Variants in ROBO1 observed in about 807,000 individuals in gnomAD.
ROBO1 encodes the protein roundabout homolog 1.
A neutral mutation model predicts 195.9 loss-of-function variants in ROBO1; 149 were observed. That is an observed-to-expected ratio of 0.76 (90% CI 0.67 to 0.87). The LOEUF (loss-of-function observed/expected upper bound fraction) is 0.87. Ranked by LOEUF, ROBO1 falls within the 40% of genes least tolerant of loss-of-function variation. The probability of loss-of-function intolerance (pLI) is 0.00; values close to 1 mark genes in which losing one functional copy is unlikely to be tolerated. For synonymous variants in ROBO1, 816 were observed against 733.2 expected (o/e 1.11, Z -1.82); for missense variants, 1,933 against 2,068.3 (o/e 0.93, Z 1.27).
intron 2 of ROBO1, among the ~76,000 whole-genome samples, chr3:79,503,520 T>C (rs1440621464): frequency 3.3e-5 from 5 of 152,184 alleles, no homozygotes; most frequent in African/African-American, 1.2e-4. Flanking sequence ...TTAGGGAAAT[T>C]GATGTTGTGC....
At chr3:79,276,054 C>T (rs2031007949) in intron 2 of ROBO1, among the ~76,000 whole-genome samples, 2 of 151,904 alleles carry the variant, frequency 1.3e-5, no homozygotes, top group Admixed American at 1.3e-4. Context: ...TTCCCCAAAC[C>T]AATCTACAGA....
chr3:79,360,465 GAAAAT>G (rs1559844474), intron 2 of ROBO1, among the ~76,000 whole-genome samples: 1 of 151,636 alleles, frequency 6.6e-6, no homozygotes, highest in African/African-American at 2.4e-5. Context: ...AATAAAAAAA[GAAAAT>G]AAAATAAATA....
At chr3:79,688,367 AT>A (rs1197221686) in intron 1 of ROBO1, among the ~76,000 whole-genome samples, 1 of 152,136 alleles carries the variant, frequency 6.6e-6, no homozygotes, top group African/African-American at 2.4e-5. Flanking sequence ...TTAAAGTATA[AT>A]TTTAAAAAAA....
At chr3:79,518,880 A>C (rs1224395672) in intron 2 of ROBO1, among the ~76,000 whole-genome samples, 1 of 150,744 alleles carries the variant, frequency 6.6e-6, no homozygotes, top group East Asian at 2.0e-4. Flanking sequence ...GGGTTTCACC[A>C]TATTGGCCAA....
chr3:79,361,519 ATT>A (rs2035769588), intron 2 of ROBO1, among the ~76,000 whole-genome samples: 1 of 148,580 alleles, frequency 6.7e-6, no homozygotes, highest in African/African-American at 2.6e-5. Flanking sequence ...ATTTAATACC[ATT>A]AAATAACGAT....
chr3:79,445,965 G>A (rs2039241260), intron 2 of ROBO1, among the ~76,000 whole-genome samples: 1 of 151,758 alleles, frequency 6.6e-6, no homozygotes, highest in Non-Finnish European at 1.5e-5. Flanking sequence ...CCTGGCAAAT[G>A]TTTAAACTTT....
At chr3:79,538,245 T>C (rs758389447) in intron 2 of ROBO1, among the ~76,000 whole-genome samples, 5 of 152,194 alleles carry the variant, frequency 3.3e-5, no homozygotes, top group Non-Finnish European at 7.4e-5. Context: ...TTAATGTATC[T>C]TTCCAATCAT....
chr3:79,239,348 G>T lies in ROBO1; in HGVS notation c.89-113809C>A, dbSNP rs568009118. Reference sequence around the variant, plus strand: ...TAATGGCACTATATATCACATGAATGGATTAGTGAAAAATAAGCAAAGAAT... The same window carrying T: ...TAATGGCACTATATATCACATGAATTGATTAGTGAAAAATAAGCAAAGAAT... On this transcript the variant is annotated intron_variant, in intron 2 of 30. Transcript: ENST00000464233. 2.0e-5 allele frequency among the ~76,000 whole-genome samples: 3 copies of T among 152,126 alleles called. No individual in the cohort carries two copies. The East Asian group carries it at 5.8e-4, about 29-fold the overall frequency.
chr3:78,978,646 G>C (rs2076931334), intron 3 of ROBO1, among the ~76,000 whole-genome samples: 1 of 152,032 alleles, frequency 6.6e-6, no homozygotes, highest in African/African-American at 2.4e-5. Flanking sequence ...TTCACATCCA[G>C]GTCTAGTTCT....
At chr3:79,001,019 G>A (rs2077489178) in intron 3 of ROBO1, among the ~76,000 whole-genome samples, 1 of 151,936 alleles carries the variant, frequency 6.6e-6, no homozygotes, top group South Asian at 2.1e-4. Context: ...ACTAACACAG[G>A]AACAGAAAAC....
At chr3:79,641,356 T>TA (rs538444179) in intron 1 of ROBO1, among the ~76,000 whole-genome samples, 271 of 152,238 alleles carry the variant, frequency 1.8e-3, no homozygotes, top group Non-Finnish European at 3.3e-3. Context: ...TTTACATCTT[T>TA]AAAAATAATC....
At chr3:78,736,450 T>C (rs1247440155) in intron 5 of ROBO1, among the ~76,000 whole-genome samples, 2 of 151,992 alleles carry the variant, frequency 1.3e-5, no homozygotes, top group Non-Finnish European at 2.9e-5. Flanking sequence ...GTGTGGGTAT[T>C]TGGGTGGGAT....
chr3:79,394,588 C>T (rs570952345), intron 2 of ROBO1, among the ~76,000 whole-genome samples: 3 of 151,804 alleles, frequency 2.0e-5, no homozygotes, highest in South Asian at 4.2e-4. Context: ...AATATGGAAG[C>T]GACTGTATAG....
chr3:79,695,927 C>T (rs529829399), intron 1 of ROBO1, among the ~76,000 whole-genome samples: 1 of 140,384 alleles, frequency 7.1e-6, no homozygotes, highest in African/African-American at 2.4e-5. Context: ...TAAGCGGACA[C>T]AGTTATAGGT....
intron 2 of ROBO1, among the ~76,000 whole-genome samples, chr3:79,389,019 C>T (rs6548618): frequency 0.53 from 79,751 of 151,772 alleles, 21,009 homozygotes; most frequent in East Asian, 0.62. Context: ...TGTAAGTATG[C>T]CACTAGCTAA....
chr3:79,738,453 T>G (rs1326731469), intron 1 of ROBO1, among the ~76,000 whole-genome samples: 2 of 152,186 alleles, frequency 1.3e-5, no homozygotes, highest in Admixed American at 6.5e-5. Context: ...CTCCAACATT[T>G]TCTGATCAGT....
At chr3:79,506,347 A>G (rs532154382) in intron 2 of ROBO1, among the ~76,000 whole-genome samples, 1 of 152,336 alleles carries the variant, frequency 6.6e-6, no homozygotes, top group South Asian at 2.1e-4. Flanking sequence ...AGATAATGAA[A>G]TGACAAATAA....
chr3:79,385,292 C>T (rs956287734), intron 2 of ROBO1, among the ~76,000 whole-genome samples: 3 of 152,072 alleles, frequency 2.0e-5, no homozygotes, highest in Non-Finnish European at 2.9e-5. Context: ...AATCCTGAAT[C>T]CTATGTCTCC....
intron 4 of ROBO1, among the ~76,000 whole-genome samples, chr3:78,793,324 G>A (rs1314565433): frequency 6.6e-6 from 1 of 152,078 alleles, no homozygotes; most frequent in Non-Finnish European, 1.5e-5. Context: ...ATCTCCTGCA[G>A]AATTAAAAGA....
Sources: gnomAD v4.1 joint callset for allele counts (sites outside exome capture counted in the v4.1 genomes callset) on GRCh38, gnomAD v4.1.1 for gene constraint, MANE v1.5 for transcripts, NCBI Gene and HGNC (gene_info 2026-07-23, HGNC 2026-07-21) for gene names.